Variants in TUSC3 observed in about 807,000 individuals in gnomAD.
The protein encoded by TUSC3 is tumor suppressor candidate 3, also known as dolichyl-diphosphooligosaccharide--protein glycosyltransferase subunit TUSC3.
TUSC3 carries 45 observed loss-of-function variants against 44.8 expected under a neutral mutation model. The ratio of observed to expected loss-of-function variants is 1.00; its 90% CI spans 0.79 to 1.29. TUSC3 has a LOEUF of 1.29. Among genes scored for constraint, TUSC3 ranks in the 50% most tolerant of loss-of-function variants. TUSC3 has a pLI of 0.00. For synonymous variants in TUSC3, 212 were observed against 152.9 expected (o/e 1.39, Z -2.85); for missense variants, 519 against 437.9 (o/e 1.19, Z -1.65).
the TUSC3 span, among the ~76,000 whole-genome samples, chr8:15,811,948 G>C: frequency 1.8e-4 from 27 of 152,164 alleles, no homozygotes; most frequent in South Asian, 5.4e-3. Flanking sequence ...GAAGAACGGA[G>C]GATTTTATGT....
At chr8:15,795,892 C>T in the TUSC3 span, among the ~76,000 whole-genome samples, 1 of 152,142 alleles carries the variant, frequency 6.6e-6, no homozygotes, top group Non-Finnish European at 1.5e-5. Flanking sequence ...CATTTGTCTA[C>T]CCCCCAGAAT....
At chr8:15,551,717 G>A (rs1802065929) in intron 1 of TUSC3, among the ~76,000 whole-genome samples, 2 of 151,560 alleles carry the variant, frequency 1.3e-5, no homozygotes, top group African/African-American at 4.8e-5. Context: ...CATTACTGCC[G>A]GTCTCTTGTG....
chr8:15,638,747 A>G (rs1456820625), intron 2 of TUSC3, among the ~76,000 whole-genome samples: 2 of 151,856 alleles, frequency 1.3e-5, no homozygotes, highest in East Asian at 3.9e-4. Context: ...GCTGGTCTCA[A>G]CCTCCCAACC....
rs354519 is a variant in TUSC3, at chr8:15,669,340, C to A, written c.709-4407C>A. ...AACAATTGAGACGGAATAATACTCACCTTAGGTAAACTTTTCTGTGAATAA... is the reference window on the plus strand; with the variant it reads ...AACAATTGAGACGGAATAATACTCAACTTAGGTAAACTTTTCTGTGAATAA... On this transcript the variant is annotated intron_variant, in intron 5 of 10. Coordinates refer to ENST00000503731, the MANE Select transcript of TUSC3 (RefSeq NM_006765.4). Among the ~76,000 whole-genome samples, 12 of 151,600 alleles carry A rather than the reference C, an allele frequency of 7.9e-5. No homozygotes were observed. In the South Asian group the frequency reaches 8.3e-4, roughly 10 times the overall value.
intron 1 of TUSC3, among the ~76,000 whole-genome samples, chr8:15,549,892 A>G (rs1801999686): frequency 6.6e-6 from 1 of 151,624 alleles, no homozygotes; most frequent in Non-Finnish European, 1.5e-5. Flanking sequence ...TTGTAGAAGG[A>G]AAGGGCTTCA....
intron 9 of TUSC3, among the ~76,000 whole-genome samples, chr8:15,750,740 A>C (rs1357560967): frequency 6.6e-6 from 1 of 152,144 alleles, no homozygotes; most frequent in Non-Finnish European, 1.5e-5. Context: ...TGAATGTGGC[A>C]TTTGAACAGT....
intron 6 of TUSC3, among the ~76,000 whole-genome samples, chr8:15,722,235 G>C (rs893384380): frequency 5.3e-5 from 8 of 151,500 alleles, no homozygotes; most frequent in South Asian, 2.1e-4. Context: ...AGTATTGATG[G>C]GTTTTGTTTC....
chr8:15,658,752 G>A (rs1807287921), intron 3 of TUSC3, among the ~76,000 whole-genome samples: 1 of 151,040 alleles, frequency 6.6e-6, no homozygotes, highest in South Asian at 2.1e-4. Flanking sequence ...ATTGCTTACT[G>A]CAAATTAACC....
chr8:15,523,662 ATATG>A (rs1470399792), intron 2 of TUSC3, among the ~76,000 whole-genome samples: 647 of 21,170 alleles, frequency 0.031, 3 homozygotes, highest in East Asian at 0.065. Context: ...ATATATATAT[ATATG>A]TGTGTGTGTG....
intron 10 of TUSC3, among the ~76,000 whole-genome samples, chr8:15,763,534 A>G (rs1812237372): frequency 6.6e-6 from 1 of 152,060 alleles, no homozygotes; most frequent in African/African-American, 2.4e-5. Context: ...AGAACATGCC[A>G]CGTGTTAGCA....
chr8:15,738,184 C>G (rs1029790914), intron 7 of TUSC3, among the ~76,000 whole-genome samples: 4 of 152,116 alleles, frequency 2.6e-5, no homozygotes, highest in Admixed American at 2.0e-4. Context: ...TACTTACTGA[C>G]CCCGCTGATT....
intron 6 of TUSC3, among the ~76,000 whole-genome samples, chr8:15,727,964 C>G (rs1291613245): frequency 1.3e-5 from 2 of 152,144 alleles, no homozygotes; most frequent in South Asian, 2.1e-4. Flanking sequence ...AGGACTGTCT[C>G]TAAAGCCTTT....
At chr8:15,434,308 AGCAGTAAAACTTCTTTAAGTAGTTT>A (rs1277993965) in intron 1 of TUSC3, among the ~76,000 whole-genome samples, 17 of 152,102 alleles carry the variant, frequency 1.1e-4, no homozygotes, top group Admixed American at 2.0e-4. Context: ...TCATTATTTG[AGCAGTAAAACTTCTTTAAGTAGTTT>A]GGATACAAAT....
At chr8:15,550,779 C>G (rs1802036606) in intron 1 of TUSC3, among the ~76,000 whole-genome samples, 2 of 151,626 alleles carry the variant, frequency 1.3e-5, no homozygotes, top group African/African-American at 4.8e-5. Context: ...TCAAGTGATT[C>G]TCGTGCCTCA....
At chr8:15,665,111 A>G (rs1250482329) in intron 5 of TUSC3, among the ~76,000 whole-genome samples, 3 of 151,582 alleles carry the variant, frequency 2.0e-5, no homozygotes, top group Non-Finnish European at 4.4e-5. Context: ...GGAAGTAAGG[A>G]AAAAAATGTA....
In TUSC3 at chr8:15,588,808, G is replaced by T. The variant is rs528487809; in HGVS notation, c.139-34272G>T. ...TTTCCCCGCACTATTTATTGAAGAG[G>T]GTGTCCTTTCCCCCAGTGTTTGTTT... On this transcript the variant is annotated intron_variant, in intron 1 of 10. Transcript: ENST00000503731. Among the ~76,000 whole-genome samples the T allele has an allele frequency of 2.2e-4, 34 of 152,186 alleles. No individual in the cohort carries two copies. In the South Asian group the frequency reaches 7.0e-3, roughly 32 times the overall value.
chr8:15,777,469 TTAAA>T, the TUSC3 span, among the ~76,000 whole-genome samples: 1 of 152,214 alleles, frequency 6.6e-6, no homozygotes. Flanking sequence ...TGTATGCTGC[TTAAA>T]TACACACATG....
At chr8:15,813,064 G>A in the TUSC3 span, among the ~76,000 whole-genome samples, 26,656 of 151,820 alleles carry the variant, frequency 0.18, 2,509 homozygotes, top group Admixed American at 0.28. Flanking sequence ...ACTGCACTGC[G>A]GCCTGGACAA....
At chr8:15,448,763 C>G (rs1800145714) in intron 1 of TUSC3, among the ~76,000 whole-genome samples, 1 of 151,912 alleles carries the variant, frequency 6.6e-6, no homozygotes, top group Non-Finnish European at 1.5e-5. Flanking sequence ...GCATTGTAAA[C>G]AAAAAAGAGT....
Sources: allele counts gnomAD v4.1 joint callset (sites outside exome capture counted in the v4.1 genomes callset), GRCh38; gene constraint gnomAD v4.1.1; transcripts MANE v1.5; gene names NCBI Gene and HGNC (gene_info 2026-07-23, HGNC 2026-07-21).